The following FERRY3 variants were observed in gnomAD, a reference collection of about 807,000 sequenced individuals.
The protein encoded by FERRY3 is FERRY endosomal RAB5 effector complex subunit 3.
At chr12:4,504,156 C>T in the FERRY3 span, among the ~76,000 whole-genome samples, 1 of 152,166 alleles carries the variant, frequency 6.6e-6, no homozygotes, top group Non-Finnish European at 1.5e-5. Context: ...AAGATGAATA[C>T]CAGCAATGGG....
At chr12:4,490,047 G>A in the FERRY3 span, 4 of 562,220 alleles carry the variant, frequency 7.1e-6, no homozygotes, top group African/African-American at 3.8e-5. Flanking sequence ...CGATGTAACT[G>A]CATGGCCATG....
At chr12:4,533,940 G>A in the FERRY3 span, 1 of 387,192 alleles carries the variant, frequency 2.6e-6, no homozygotes, top group Non-Finnish European at 4.5e-6. Flanking sequence ...ATATATGCAA[G>A]TAGCCTCTTG....
chr12:4,511,268 T>TAA, the FERRY3 span, among the ~76,000 whole-genome samples: 1 of 151,106 alleles, frequency 6.6e-6, no homozygotes, highest in Non-Finnish European at 1.5e-5. Context: ...CAAAGAGACT[T>TAA]AGACTCCCAC....
At chr12:4,525,682 A>T in the FERRY3 span, 4 of 839,772 alleles carry the variant, frequency 4.8e-6, no homozygotes, top group Non-Finnish European at 7.1e-6. Flanking sequence ...AAAATAAAAA[A>T]TTTATTTTAT....
chr12:4,508,836 T>G, the FERRY3 span: 1 of 152,070 alleles, frequency 6.6e-6, no homozygotes, highest in Non-Finnish European at 1.5e-5. Context: ...ACATGAAATA[T>G]AAGAAAAACA....
chr12:4,504,328 C>T, the FERRY3 span, among the ~76,000 whole-genome samples: 2 of 152,096 alleles, frequency 1.3e-5, no homozygotes, highest in South Asian at 4.1e-4. Flanking sequence ...ATTTCTGAAA[C>T]TGTAAAATGT....
At chr12:4,525,323 T>A in the FERRY3 span, 1 of 1,613,704 alleles carries the variant, frequency 6.2e-7, no homozygotes, top group Non-Finnish European at 8.5e-7. Context: ...ATACTCTTGT[T>A]TTTGGATGGC....
chr12:4,522,800 A>T, the FERRY3 span, among the ~76,000 whole-genome samples: 5 of 152,262 alleles, frequency 3.3e-5, no homozygotes, highest in Non-Finnish European at 5.9e-5. Context: ...GTAAATGGAT[A>T]AACAAATGGA....
chr12:4,491,516 G>C, the FERRY3 span, among the ~76,000 whole-genome samples: 1 of 152,020 alleles, frequency 6.6e-6, no homozygotes, highest in Admixed American at 6.6e-5. Flanking sequence ...AAATATAAAT[G>C]ACATAGGAAC....
the FERRY3 span, among the ~76,000 whole-genome samples, chr12:4,508,617 C>T: frequency 9.2e-5 from 14 of 152,020 alleles, 1 homozygote; most frequent in Admixed American, 9.2e-4. Flanking sequence ...CGGTGGTACA[C>T]ATCTGTAATC....
chr12:4,517,097 T>C, the FERRY3 span: 1 of 1,592,050 alleles, frequency 6.3e-7, no homozygotes, highest in Non-Finnish European at 8.5e-7. Context: ...CGCTGGGTTC[T>C]AGCATAAAGT....
the FERRY3 span, chr12:4,517,993 T>G: frequency 6.8e-7 from 1 of 1,462,874 alleles, no homozygotes; most frequent in Non-Finnish European, 9.4e-7. Context: ...TGTAATTCCT[T>G]TCTTTGTAAG....
chr12:4,505,815 C>T, the FERRY3 span, among the ~76,000 whole-genome samples: 1 of 152,100 alleles, frequency 6.6e-6, no homozygotes, highest in African/African-American at 2.4e-5. Flanking sequence ...GTGGTGTGGC[C>T]ATCTTTATTT....
At chr12:4,507,382 A>T in the FERRY3 span, among the ~76,000 whole-genome samples, 1 of 152,168 alleles carries the variant, frequency 6.6e-6, no homozygotes, top group Non-Finnish European at 1.5e-5. Context: ...ATTTTCTAAT[A>T]CTCAGCTGGC....
the FERRY3 span, chr12:4,500,241 C>G: frequency 6.2e-7 from 1 of 1,613,934 alleles, no homozygotes; most frequent in African/African-American, 1.3e-5. Flanking sequence ...GGCAGGATCA[C>G]GAGCAGTGAT....
chr12:4,530,024 T>G, the FERRY3 span: 1 of 1,613,020 alleles, frequency 6.2e-7, no homozygotes, highest in Non-Finnish European at 8.5e-7. Context: ...AGCTGGGTTC[T>G]TCAGGCCTTG....
At chr12:4,519,805 G>A in the FERRY3 span, among the ~76,000 whole-genome samples, 184 of 152,272 alleles carry the variant, frequency 1.2e-3, 1 homozygote, top group African/African-American at 3.9e-3. This position sits in a 1 kb window ranked among gnomAD's most constrained non-coding sequence, Gnocchi z 4.3. Flanking sequence ...TGTGAACTGC[G>A]CATGCAAGCG....
chr12:4,497,142 C>A, the FERRY3 span, among the ~76,000 whole-genome samples: 1 of 152,076 alleles, frequency 6.6e-6, no homozygotes, highest in Non-Finnish European at 1.5e-5. Context: ...CCCAAATGTC[C>A]ACAAATAGTA....
chr12:4,487,805 C>T, the FERRY3 span: 1 of 151,998 alleles, frequency 6.6e-6, no homozygotes, highest in Non-Finnish European at 1.5e-5. Flanking sequence ...GAACAGAGTG[C>T]CATCTGTACC....
Sources: allele counts gnomAD v4.1 joint callset (sites outside exome capture counted in the v4.1 genomes callset), GRCh38; gene constraint gnomAD v4.1.1; non-coding constraint Gnocchi (gnomAD v3.1); transcripts MANE v1.5; gene names NCBI Gene and HGNC (gene_info 2026-07-23, HGNC 2026-07-21).